KIRREL3: variants seen among roughly 807,000 people sequenced by gnomAD.
KIRREL3 encodes kirre like nephrin family adhesion molecule 3, also known as kin of IRRE-like protein 3.
In KIRREL3, 36 loss-of-function variants were observed where a neutral mutation model predicts 89.7. The observed-to-expected ratio is 0.40, with a 90% confidence interval of 0.31 to 0.53. The LOEUF (loss-of-function observed/expected upper bound fraction) is 0.53. Ranked by LOEUF, KIRREL3 falls within the 20% of genes least tolerant of loss-of-function variation. KIRREL3 has a pLI of 0.49. For missense variants in KIRREL3, 864 were observed against 1,056.6 expected (o/e 0.82, Z 2.53); for synonymous variants, 445 against 441.4 (o/e 1.01, Z -0.10).
At position 126,677,657 on chromosome 11, in the gene KIRREL3, G is replaced by C. The variant is rs1946256902; in HGVS notation, c.56-114745C>G. Among the ~76,000 whole-genome samples the C allele has an allele frequency of 6.6e-6, 1 of 152,128 alleles. No individual in the cohort carries two copies. Among genetic ancestry groups the C allele is most frequent in the East Asian group, 1.9e-4 (1 of 5,182 alleles). ...GGTGCTGAAGCAGGGCTGGGATGGG[G>C]GTGTGAAGACAGAAAATCCACCAGC... is the stretch of plus-strand genomic sequence containing the variant. On this transcript the variant is annotated intron_variant, in intron 1 of 16. Coordinates refer to ENST00000525144, the MANE Select transcript of KIRREL3 (RefSeq NM_032531.4). This position sits in a 1 kb window ranked among gnomAD's most constrained non-coding sequence, Gnocchi z 5.1.
At chr11:126,493,654 C>CAAAAAAAAAA in intron 4 of KIRREL3, among the ~76,000 whole-genome samples, 1 of 82,234 alleles carries the variant, frequency 1.2e-5, no homozygotes, top group Non-Finnish European at 2.2e-5. Flanking sequence ...GACTCTGTCT[C>CAAAAAAAAAA]AAAAAAAAAA....
rs1957093854 is a variant in KIRREL3, at chr11:126,477,270, T to G, written c.434-3804A>C. Among the ~76,000 whole-genome samples the G allele has an allele frequency of 6.6e-6, 1 of 152,234 alleles. No homozygotes were observed. The highest frequency in any genetic ancestry group is 6.5e-5 in the Admixed American group (1 of 15,284). On this transcript the variant is annotated intron_variant, in intron 4 of 16. Coordinates refer to ENST00000525144, the MANE Select transcript of KIRREL3 (RefSeq NM_032531.4). This position sits in a 1 kb window ranked among gnomAD's most constrained non-coding sequence, Gnocchi z 4.8. Reference sequence around the variant, plus strand: ...ATTGGCCAGGACTGGAGCAGGCAGCTTCAGTCTCCCTCCCTGCTCTGCCCC... The same window carrying G: ...ATTGGCCAGGACTGGAGCAGGCAGCGTCAGTCTCCCTCCCTGCTCTGCCCC...
At chr11:126,846,142 G>T (rs1391410932) in intron 1 of KIRREL3, among the ~76,000 whole-genome samples, 1 of 152,128 alleles carries the variant, frequency 6.6e-6, no homozygotes, top group Non-Finnish European at 1.5e-5. Context: ...GGTAGGAAAC[G>T]TACTTTTGGG....
At chr11:126,488,776 C>A (rs977800901) in intron 4 of KIRREL3, among the ~76,000 whole-genome samples, 1 of 152,194 alleles carries the variant, frequency 6.6e-6, no homozygotes, top group Admixed American at 6.5e-5. Flanking sequence ...CCTACCTGTT[C>A]CCCACAGGGG....
chr11:126,429,217 G>C lies in KIRREL3; in HGVS notation c.1768C>G (p.Arg590Gly). The change falls in exon 15 of 17, where the codon CGG becomes GGG. Residue 590 changes from arginine (R) to glycine (G), a missense_variant. Transcript: ENST00000525144. This position sits in a 1 kb window ranked among gnomAD's most constrained non-coding sequence, Gnocchi z 5.2. ...ATGGTGGAGTGCTCCTCACCCTCCCGACCAGAGGCTGGTTCCTTGTGGACA... is the reference window on the plus strand; with the variant it reads ...ATGGTGGAGTGCTCCTCACCCTCCCCACCAGAGGCTGGTTCCTTGTGGACA... Reference protein sequence around the residue: ...EIVHKEPASGREGEEHSTIKQ... With the variant: ...EIVHKEPASGGEGEEHSTIKQ... 1 of 1,613,844 alleles carries C rather than the reference G, an allele frequency of 6.2e-7. No homozygotes were observed.
intron 4 of KIRREL3, among the ~76,000 whole-genome samples, chr11:126,487,516 C>A (rs1167835904): frequency 6.6e-6 from 1 of 152,214 alleles, no homozygotes; most frequent in African/African-American, 2.4e-5. Context: ...CAACTTTATG[C>A]AAATTTACCA....
chr11:126,614,672 T>C lies in KIRREL3; in HGVS notation c.56-51760A>G, dbSNP rs1943271011. 6.6e-6 allele frequency among the ~76,000 whole-genome samples: 1 copy of C among 152,316 alleles called. No individual in the cohort carries two copies. Among genetic ancestry groups the C allele is most frequent in the Admixed American group, 6.5e-5 (1 of 15,302 alleles). On this transcript the variant is annotated intron_variant, in intron 1 of 16. Coordinates refer to ENST00000525144, the MANE Select transcript of KIRREL3 (RefSeq NM_032531.4). This position sits in a 1 kb window ranked among gnomAD's most constrained non-coding sequence, Gnocchi z 4.6. ...CTCAGTGTTATGAGCTGGGCAGTGATGTCAGTCCAGCCAAGGCTGGTGAGA... is the reference window on the plus strand; with the variant it reads ...CTCAGTGTTATGAGCTGGGCAGTGACGTCAGTCCAGCCAAGGCTGGTGAGA...
chr11:126,731,563 C>T (rs1252224349), intron 1 of KIRREL3, among the ~76,000 whole-genome samples: 9 of 152,204 alleles, frequency 5.9e-5, no homozygotes, highest in South Asian at 2.1e-4. Flanking sequence ...CAATGCCTAG[C>T]GCCATGTCTG....
chr11:126,876,093 T>C lies in KIRREL3; in HGVS notation c.55+124362A>G, dbSNP rs1945275302. ...GGAGGTGACCTATTGTTGGAAATAA[T>C]GACTTCAAAGGGCAGCCGTCTTCTA... On this transcript the variant is annotated intron_variant, in intron 1 of 16. Transcript: ENST00000525144. This position sits in a 1 kb window ranked among gnomAD's most constrained non-coding sequence, Gnocchi z 4.1. 6.6e-6 allele frequency among the ~76,000 whole-genome samples: 1 copy of C among 152,140 alleles called. No individual in the cohort carries two copies. Among genetic ancestry groups the C allele is most frequent in the Non-Finnish European group, 1.5e-5 (1 of 68,022 alleles).
chr11:126,533,242 C>T (rs572982316), intron 2 of KIRREL3, among the ~76,000 whole-genome samples: 17 of 152,200 alleles, frequency 1.1e-4, no homozygotes, highest in Non-Finnish European at 2.2e-4. Flanking sequence ...CTGGGGCCCA[C>T]AGCACTGGCA....
chr11:126,490,583 C>A lies in KIRREL3; in HGVS notation c.434-17117G>T, dbSNP rs1957484554. ...CGACTCCTGGACTCCCGGTTCCAGG[C>A]TGCATGGCCTTGGATACGTTAATTA... is the stretch of plus-strand genomic sequence containing the variant. On this transcript the variant is annotated intron_variant, in intron 4 of 16. Coordinates refer to ENST00000525144, the MANE Select transcript of KIRREL3 (RefSeq NM_032531.4). The surrounding 1 kb of genome is among the most constrained non-coding windows in gnomAD (Gnocchi z 4.2). Among the ~76,000 whole-genome samples, 1 of 152,186 alleles carries A rather than the reference C, an allele frequency of 6.6e-6. No homozygotes were observed. Among genetic ancestry groups the A allele is most frequent in the African/African-American group, 2.4e-5 (1 of 41,432 alleles).
In KIRREL3 at chr11:126,752,113, C is replaced by G. The variant is rs528664663; in HGVS notation, c.56-189201G>C. 2.7e-4 allele frequency among the ~76,000 whole-genome samples: 41 copies of G among 152,236 alleles called. No individual in the cohort carries two copies. The highest frequency in any genetic ancestry group is 9.6e-4 in the African/African-American group (40 of 41,520). Reference sequence around the variant, plus strand: ...TCCTTGTGTGTCAGCTTTTTCTTTGCAAAATAGGAACAATGATGATACCTG... The same window carrying G: ...TCCTTGTGTGTCAGCTTTTTCTTTGGAAAATAGGAACAATGATGATACCTG... On this transcript the variant is annotated intron_variant, in intron 1 of 16. Transcript: ENST00000525144. The surrounding 1 kb of genome is among the most constrained non-coding windows in gnomAD (Gnocchi z 4.8).
rs1176631451 is a variant in KIRREL3 at position 126,682,600 on chromosome 11, T to C, written c.56-119688A>G. On this transcript the variant is annotated intron_variant, in intron 1 of 16. Transcript: ENST00000525144. This position sits in a 1 kb window ranked among gnomAD's most constrained non-coding sequence, Gnocchi z 4.8. ...GACAGGTTTCATGGATGGCAATTTT[T>C]CCATGGACCTGGGTAGGGGGTGGTT... is the stretch of plus-strand genomic sequence containing the variant. Among the ~76,000 whole-genome samples, 1 of 152,132 alleles carries C rather than the reference T, an allele frequency of 6.6e-6. No homozygotes were observed. The highest frequency in any genetic ancestry group is 2.4e-5 in the African/African-American group (1 of 41,422).
rs756190389 is a variant in KIRREL3 at position 126,495,997 on chromosome 11, A to T, written c.434-22531T>A. Among the ~76,000 whole-genome samples the T allele has an allele frequency of 5.9e-5, 9 of 152,170 alleles. No homozygotes were observed. Among genetic ancestry groups the T allele is most frequent in the Non-Finnish European group, 1.2e-4 (8 of 68,016 alleles). On this transcript the variant is annotated intron_variant, in intron 4 of 16. Transcript: ENST00000525144. This position sits in a 1 kb window ranked among gnomAD's most constrained non-coding sequence, Gnocchi z 6.5. ...CTACTACCCCAGCGCTCCAGCCCCT[A>T]GCTGTTTGCATCTGCATAGCCCAGG...
At chr11:126,922,121 G>GTCTGTCTATCTA (rs61078651) in intron 1 of KIRREL3, among the ~76,000 whole-genome samples, 2,568 of 140,024 alleles carry the variant, frequency 0.018, 30 homozygotes, top group East Asian at 0.036. Flanking sequence ...CTATCTGTCT[G>GTCTGTCTATCTA]TCTATCTATC....
rs377453184 is a variant in KIRREL3 at position 126,771,070 on chromosome 11, A to G, written c.56-208158T>C. 6.6e-5 allele frequency among the ~76,000 whole-genome samples: 10 copies of G among 152,264 alleles called. No homozygotes were observed. The highest frequency in any genetic ancestry group is 5.8e-4 in the East Asian group (3 of 5,184). ...GGGCTGGGATTGAACTCCTGACCTC[A>G]GGGTGATCCGCTTGCCTTGGCATCC... is the stretch of plus-strand genomic sequence containing the variant. On this transcript the variant is annotated intron_variant, in intron 1 of 16. Coordinates refer to ENST00000525144, the MANE Select transcript of KIRREL3 (RefSeq NM_032531.4). This position sits in a 1 kb window ranked among gnomAD's most constrained non-coding sequence, Gnocchi z 4.4.
In KIRREL3 at chr11:126,566,934, C is replaced by T. The variant is rs1055951671; in HGVS notation, c.56-4022G>A. Among the ~76,000 whole-genome samples, 2 of 152,292 alleles carry T rather than the reference C, an allele frequency of 1.3e-5. No individual in the cohort carries two copies. Among genetic ancestry groups the T allele is most frequent in the South Asian group, 2.1e-4 (1 of 4,824 alleles). ...TCAGAAGTAAAGTGACAATTTAAGG[C>T]CAACACACTAGCTGGTGATAGTGCC... On this transcript the variant is annotated intron_variant, in intron 1 of 16. Coordinates refer to ENST00000525144, the MANE Select transcript of KIRREL3 (RefSeq NM_032531.4). The surrounding 1 kb of genome is among the most constrained non-coding windows in gnomAD (Gnocchi z 4.9).
At position 126,703,084 on chromosome 11, in the gene KIRREL3, C is replaced by G. The variant is rs1373853648; in HGVS notation, c.56-140172G>C. On this transcript the variant is annotated intron_variant, in intron 1 of 16. Coordinates refer to ENST00000525144, the MANE Select transcript of KIRREL3 (RefSeq NM_032531.4). This position sits in a 1 kb window ranked among gnomAD's most constrained non-coding sequence, Gnocchi z 4.6. ...AATGAGAAGGGTGAGTAGTAGATGG[C>G]GTATTCTCTGGGCTGTGAATCCTGG... Among the ~76,000 whole-genome samples, 2 of 152,020 alleles carry G rather than the reference C, an allele frequency of 1.3e-5. No homozygotes were observed. Among genetic ancestry groups the G allele is most frequent in the East Asian group, 3.9e-4 (2 of 5,182 alleles).
chr11:126,633,219 C>T (rs1944120650), intron 1 of KIRREL3, among the ~76,000 whole-genome samples: 1 of 152,100 alleles, frequency 6.6e-6, no homozygotes, highest in Non-Finnish European at 1.5e-5. Context: ...CACACCGGGG[C>T]CTGTTGTGGG....
Sources: gnomAD v4.1 joint callset for allele counts (sites outside exome capture counted in the v4.1 genomes callset) on GRCh38, gnomAD v4.1.1 for gene constraint, Gnocchi (gnomAD v3.1) non-coding constraint, MANE v1.5 for transcripts, NCBI Gene and HGNC (gene_info 2026-07-23, HGNC 2026-07-21) for gene names.